PHYHIPL: variants seen among roughly 807,000 people sequenced by gnomAD.
PHYHIPL encodes phytanoyl-CoA 2-hydroxylase interacting protein like, also known as phytanoyl-CoA hydroxylase-interacting protein-like.
PHYHIPL carries 9 observed loss-of-function variants against 33.4 expected under a neutral mutation model. That is an observed-to-expected ratio of 0.27 (90% confidence interval 0.16 to 0.47). The LOEUF is 0.47. Ranked by LOEUF, PHYHIPL falls within the 20% of genes least tolerant of loss-of-function variation. PHYHIPL has a pLI of 0.99. For missense variants in PHYHIPL, 365 were observed against 460.7 expected (o/e 0.79, Z 1.90); for synonymous variants, 153 against 154.1 (o/e 0.99, Z 0.05).
chr10:59,245,424 T>A lies in PHYHIPL; in HGVS notation c.964T>A (p.Tyr322Asn). The change falls in exon 5 of 5, where the codon TAC becomes AAC. Residue 322 changes from tyrosine to asparagine, a missense_variant. Tyr to Asn is a moderately radical substitution (Grantham distance 143). Coordinates refer to ENST00000373880, the MANE Select transcript of PHYHIPL (RefSeq NM_032439.4). ...TACAGAAGAAGATGGGGTGCTGGTT[T>A]ACCACCATGCCCAGGATGTCATTTT... ...TCTEEDGVLV[Y>N]HHAQDVILEV... The A allele has an allele frequency of 6.2e-7, 1 of 1,614,152 alleles. No homozygotes were observed. Among genetic ancestry groups the A allele is most frequent in the Non-Finnish European group, 8.5e-7 (1 of 1,180,024 alleles).
In PHYHIPL at chr10:59,211,295, T is replaced by C. The variant is rs920057556; in HGVS notation, c.107-23009T>C. ...CAGGAGATGAGGCAGGAGGATCACTTGAGCCCAGGACTTTGAGGCAATAGT... is the reference window on the plus strand; with the variant it reads ...CAGGAGATGAGGCAGGAGGATCACTCGAGCCCAGGACTTTGAGGCAATAGT... On this transcript the variant is annotated intron_variant, in intron 1 of 4. Coordinates refer to ENST00000373880, the MANE Select transcript of PHYHIPL (RefSeq NM_032439.4). 3.9e-5 allele frequency among the ~76,000 whole-genome samples: 6 copies of C among 152,268 alleles called. 1 individual carries two copies. The highest frequency in any genetic ancestry group is 6.8e-3 in the Middle Eastern group (2 of 294).
intron 1 of PHYHIPL, chr10:59,177,396 TATC>T (rs1202811788): frequency 2.1e-5 from 29 of 1,350,218 alleles, no homozygotes; most frequent in South Asian, 4.6e-5. Context: ...TCCAGAAACT[TATC>T]ATTTTCTTTT....
At chr10:59,244,568 A>AAAAAAAAC (rs1840569507) in intron 4 of PHYHIPL, among the ~76,000 whole-genome samples, 1 of 129,722 alleles carries the variant, frequency 7.7e-6, no homozygotes, top group Non-Finnish European at 1.7e-5. Flanking sequence ...GTCTCAAAAA[A>AAAAAAAAC]AAAAAAAAAA....
Position 59,246,542 on chromosome 10 carries a change from T to A in PHYHIPL, c.*951T>A, listed in dbSNP as rs1396443070. On this transcript the variant is annotated 3_prime_UTR_variant, in exon 5 of 5. Transcript: ENST00000373880. The stretch of plus-strand genomic sequence containing the variant: ...ATGAGAGAAAATGTTGACCTTTTAC[T>A]TCCTTTTACAAAAATGAAAATAATA... 1 of 394,356 alleles carries A rather than the reference T, an allele frequency of 2.5e-6. No homozygotes were observed. The highest frequency in any genetic ancestry group is 2.1e-5 in the African/African-American group (1 of 48,540). The allele number at this position is 394,356 out of a possible 1,614,324, so 24.4% of individuals were successfully genotyped here. A position where few individuals can be genotyped will look rare whatever the true frequency, so the allele number is the denominator to read the frequency against.
chr10:59,230,155 C>CTTATGATA (rs1840037691), intron 1 of PHYHIPL, among the ~76,000 whole-genome samples: 2 of 150,152 alleles, frequency 1.3e-5, no homozygotes, highest in Non-Finnish European at 1.5e-5. Flanking sequence ...TGATACAGAG[C>CTTATGATA]TTATGATATG....
intron 1 of PHYHIPL, among the ~76,000 whole-genome samples, chr10:59,224,184 A>G (rs1405281252): frequency 6.6e-6 from 1 of 152,162 alleles, no homozygotes; most frequent in Non-Finnish European, 1.5e-5. Flanking sequence ...GATAATAAAT[A>G]CTCAATGTAT....
rs76755869 is a variant in PHYHIPL, at chr10:59,241,424, A to G, written c.596+2719A>G. Among the ~76,000 whole-genome samples, 516 of 152,202 alleles carry G rather than the reference A, an allele frequency of 3.4e-3. 6 individuals are homozygous for G. The highest frequency in any genetic ancestry group is 8.7e-3 in the African/African-American group (362 of 41,538). On this transcript the variant is annotated intron_variant, in intron 4 of 4. Coordinates refer to ENST00000373880, the MANE Select transcript of PHYHIPL (RefSeq NM_032439.4). ...ATGAACATTACTTTCCCATACTCCAAATGAAAACACCACTTTCTTTCTTAC... is the reference window on the plus strand; with the variant it reads ...ATGAACATTACTTTCCCATACTCCAGATGAAAACACCACTTTCTTTCTTAC...
chr10:59,192,795 G>A (rs184573761), intron 1 of PHYHIPL, among the ~76,000 whole-genome samples: 32 of 152,158 alleles, frequency 2.1e-4, no homozygotes, highest in Non-Finnish European at 1.6e-4. Context: ...TTGGAGATGG[G>A]GTACATTTTG....
At chr10:59,240,668 A>T (rs1840369024) in intron 4 of PHYHIPL, among the ~76,000 whole-genome samples, 1 of 152,070 alleles carries the variant, frequency 6.6e-6, no homozygotes, top group Non-Finnish European at 1.5e-5. Context: ...AAACCCCTCC[A>T]TATTTCTGTT....
At position 59,217,460 on chromosome 10, in the gene PHYHIPL, C is replaced by T. The variant is rs148222521; in HGVS notation, c.107-16844C>T. 1.8e-3 allele frequency among the ~76,000 whole-genome samples: 267 copies of T among 151,418 alleles called. No homozygotes were observed. The East Asian group carries it at 0.019, about 11-fold the overall frequency. ...AATTTCTAGTGCAGAAAAAATATACCTCTTGCTCATTTTTCTCTATAATAT... is the reference window on the plus strand; with the variant it reads ...AATTTCTAGTGCAGAAAAAATATACTTCTTGCTCATTTTTCTCTATAATAT... On this transcript the variant is annotated intron_variant, in intron 1 of 4. Coordinates refer to ENST00000373880, the MANE Select transcript of PHYHIPL (RefSeq NM_032439.4).
intron 1 of PHYHIPL, among the ~76,000 whole-genome samples, chr10:59,228,645 CTATT>C (rs1839994545): frequency 6.6e-6 from 1 of 152,090 alleles, no homozygotes; most frequent in Non-Finnish European, 1.5e-5. Context: ...ATAGTTGTAT[CTATT>C]CTTTGTTAGA....
intron 1 of PHYHIPL, among the ~76,000 whole-genome samples, chr10:59,185,177 A>G (rs1320128938): frequency 6.6e-6 from 1 of 151,416 alleles, no homozygotes; most frequent in Admixed American, 6.6e-5. Context: ...TTTTTAGTAG[A>G]GACGGGGTTT....
intron 1 of PHYHIPL, among the ~76,000 whole-genome samples, chr10:59,206,490 G>A (rs770191399): frequency 2.6e-5 from 4 of 152,084 alleles, no homozygotes; most frequent in Non-Finnish European, 2.9e-5. Context: ...GTAACCCAAC[G>A]TAGTCTAACT....
Position 59,201,580 on chromosome 10 carries a change from G to A in PHYHIPL, c.106+24621G>A, listed in dbSNP as rs182666720. On this transcript the variant is annotated intron_variant, in intron 1 of 4. Coordinates refer to ENST00000373880, the MANE Select transcript of PHYHIPL (RefSeq NM_032439.4). ...CTGTAGATGTCTGTTAGGTCCGCTT[G>A]GTGCAGAGCTGAGTTCAAGATCTCT... Among the ~76,000 whole-genome samples the A allele has an allele frequency of 2.4e-3, 364 of 152,236 alleles. 3 individuals carry two copies. The highest frequency in any genetic ancestry group is 8.4e-3 in the African/African-American group (351 of 41,562).
chr10:59,176,411 G>C (rs1048574446), upstream of PHYHIPL, among the ~76,000 whole-genome samples: 3 of 152,006 alleles, frequency 2.0e-5, no homozygotes, highest in Non-Finnish European at 4.4e-5. Flanking sequence ...CCGCGCGCTC[G>C]GTCGCCCGAC....
chr10:59,177,746 T>C, intron 1 of PHYHIPL: 1 of 1,172,034 alleles, frequency 8.5e-7, no homozygotes, highest in South Asian at 1.3e-5. Context: ...GTGTGCGGTG[T>C]GGTTAGTTAC....
Position 59,200,792 on chromosome 10 carries a change from G to GT in PHYHIPL, c.106+23834dup, listed in dbSNP as rs573337130. Among the ~76,000 whole-genome samples, 421 of 152,276 alleles carry GT rather than the reference G, an allele frequency of 2.8e-3. 1 individual carries two copies. Among genetic ancestry groups the GT allele is most frequent in the African/African-American group, 9.7e-3 (405 of 41,558 alleles). On this transcript the variant is annotated intron_variant, in intron 1 of 4. Coordinates refer to ENST00000373880, the MANE Select transcript of PHYHIPL (RefSeq NM_032439.4). Reference sequence around the variant, plus strand: ...CTTCCTGGTTTAGTCTTCGGAGGGTGTATGTGTCGAAGAATTTATCCATTT... The same window carrying GT: ...CTTCCTGGTTTAGTCTTCGGAGGGTGTTATGTGTCGAAGAATTTATCCATTT...
At chr10:59,192,615 T>A (rs1838812087) in intron 1 of PHYHIPL, among the ~76,000 whole-genome samples, 1 of 152,136 alleles carries the variant, frequency 6.6e-6, no homozygotes, top group Non-Finnish European at 1.5e-5. Flanking sequence ...AGAGTGTAAC[T>A]ACCTAAATGG....
intron 1 of PHYHIPL, among the ~76,000 whole-genome samples, chr10:59,224,669 A>G (rs562595234): frequency 5.3e-5 from 8 of 152,204 alleles, no homozygotes; most frequent in Non-Finnish European, 8.8e-5. Flanking sequence ...AGTTGAATTT[A>G]TTCACTTTAA....
Sources: gnomAD v4.1 joint callset for allele counts (sites outside exome capture counted in the v4.1 genomes callset) on GRCh38, gnomAD v4.1.1 for gene constraint, MANE v1.5 for transcripts, NCBI Gene and HGNC (gene_info 2026-07-23, HGNC 2026-07-21) for gene names.